Variants in DTX4 observed in about 807,000 individuals in gnomAD.
DTX4 encodes E3 ubiquitin-protein ligase DTX4.
In DTX4, 28 loss-of-function variants were observed where a neutral mutation model predicts 57.6. The ratio of observed to expected loss-of-function variants is 0.49; its 90% confidence interval spans 0.36 to 0.67. The LOEUF (loss-of-function observed/expected upper bound fraction) is 0.67, where lower values mean the gene tolerates loss of function less well. DTX4 is among the 30% of genes least tolerant of loss of function. The pLI is 0.00. For missense variants in DTX4, 715 were observed against 836.8 expected (o/e 0.85, Z 1.80); for synonymous variants, 316 against 331.0 (o/e 0.95, Z 0.49).
chr11:59,174,896 C>T (rs1299660890), intron 1 of DTX4, among the ~76,000 whole-genome samples: 5 of 152,160 alleles, frequency 3.3e-5, no homozygotes, highest in Admixed American at 6.6e-5. Flanking sequence ...TGGTTTCATC[C>T]GCTCATTGCT....
rs1565213978 is a variant in DTX4, at chr11:59,172,479, GCGCGGGGCA to G, written c.-116_-108del. ...AGCTGAGGCTGCCCGGGGCGGCGGG[GCGCGGGGCA>G]GGGGGCGCGGTCGAGGCCCGGAGGC... On this transcript the variant is annotated 5_prime_UTR_variant, in exon 1 of 9. Transcript: ENST00000227451. 2 of 448,844 alleles carry G rather than the reference GCGCGGGGCA, an allele frequency of 4.5e-6. No individual in the cohort carries two copies. Among genetic ancestry groups the G allele is most frequent in the Non-Finnish European group, 6.3e-6 (2 of 316,698 alleles). 27.8% of individuals were successfully genotyped at this position (448,844 alleles called of 1,614,324 possible).
At chr11:59,175,787 G>A (rs1466176404) in intron 1 of DTX4, among the ~76,000 whole-genome samples, 7 of 152,242 alleles carry the variant, frequency 4.6e-5, no homozygotes, top group Non-Finnish European at 4.4e-5. Flanking sequence ...TTCAGTAGCA[G>A]GATGCGGAAG....
chr11:59,174,501 G>GGAAAAAAAAAAA (rs1862371263), intron 1 of DTX4, among the ~76,000 whole-genome samples: 1 of 118,056 alleles, frequency 8.5e-6, no homozygotes, highest in East Asian at 2.5e-4. Context: ...TCCAGTCCTG[G>GGAAAAAAAAAAA]AAAAAAAAAA....
chr11:59,189,672 C>G (rs1409795558), intron 4 of DTX4, among the ~76,000 whole-genome samples: 1 of 152,152 alleles, frequency 6.6e-6, no homozygotes, highest in African/African-American at 2.4e-5. Context: ...GTTGTGTGAC[C>G]ACATGGAGCC....
chr11:59,192,114 T>G lies in DTX4; in HGVS notation c.1238T>G (p.Met413Arg). Residue 413 changes from methionine to arginine, a missense_variant, in exon 6 of 9, where the codon ATG becomes AGG. Coordinates refer to ENST00000227451, the MANE Select transcript of DTX4 (RefSeq NM_015177.2). ...HPPDEDCTIC[M>R]ERLTAPSGYK... is the part of the protein sequence containing the mutation. ...CCTCCCCAGGACTGCACCATCTGTA[T>G]GGAACGCCTCACGGCCCCCTCAGGC... The G allele has an allele frequency of 6.2e-7, 1 of 1,613,552 alleles. No homozygotes were observed. The highest frequency in any genetic ancestry group is 8.5e-7 in the Non-Finnish European group (1 of 1,179,882).
intron 2 of DTX4, among the ~76,000 whole-genome samples, chr11:59,182,958 T>C (rs1449827062): frequency 6.6e-6 from 1 of 152,162 alleles, no homozygotes; most frequent in Non-Finnish European, 1.5e-5. Context: ...TAAGCAATAA[T>C]AGGCAACATT....
At chr11:59,187,514 C>T (rs1214875941) in intron 2 of DTX4, among the ~76,000 whole-genome samples, 1 of 152,234 alleles carries the variant, frequency 6.6e-6, no homozygotes. Flanking sequence ...GCAAACAACA[C>T]AAAGTAGGGC....
chr11:59,180,134 C>T (rs1460370545), intron 1 of DTX4, among the ~76,000 whole-genome samples: 2 of 152,034 alleles, frequency 1.3e-5, no homozygotes, highest in Non-Finnish European at 2.9e-5. Flanking sequence ...TACCCAGGAC[C>T]CAAACAGATG....
intron 6 of DTX4, 97 bp downstream of exon 6, chr11:59,192,347 G>A: frequency 1.4e-6 from 2 of 1,461,042 alleles, no homozygotes; most frequent in Admixed American, 1.7e-5. Context: ...CAAGTGATCT[G>A]GGAAGTCTTA....
chr11:59,171,971 G>T (rs937284693), upstream of DTX4, among the ~76,000 whole-genome samples: 1 of 152,190 alleles, frequency 6.6e-6, no homozygotes, highest in African/African-American at 2.4e-5. Context: ...ACACACGCGG[G>T]CGCGGGTTTG....
intron 1 of DTX4, among the ~76,000 whole-genome samples, chr11:59,179,917 C>T (rs1405605647): frequency 1.3e-5 from 2 of 151,264 alleles, no homozygotes; most frequent in Non-Finnish European, 2.9e-5. Flanking sequence ...CACATACACA[C>T]ACAGACACAC....
rs370532027 is a variant in DTX4, at chr11:59,204,815, A to G, written c.1766A>G (p.His589Arg). Residue 589 changes from histidine to arginine, a missense_variant, in exon 9 of 9, where the codon CAT becomes CGT. By Grantham distance (29) the His-to-Arg change is conservative. Transcript: ENST00000227451. ...GAGTTTGGCTCTAATCTCACTGGCC[A>G]TGGCTACCCAGATGCCAATTACCTG... ...KTEFGSNLTG[H>R]GYPDANYLDN... 6.8e-6 allele frequency: 11 copies of G among 1,612,204 alleles called. No homozygotes were observed. The highest frequency in any genetic ancestry group is 1.7e-5 in the Admixed American group (1 of 59,780).
At position 59,172,573 on chromosome 11, in the gene DTX4, A is replaced by C; in HGVS notation, c.-23A>C. The C allele has an allele frequency of 7.4e-7, 1 of 1,357,692 alleles. No homozygotes were observed. Among genetic ancestry groups the C allele is most frequent in the South Asian group, 1.7e-5 (1 of 57,718 alleles). The allele number at this position is 1,357,692 out of a possible 1,614,324, so 84.1% of individuals were successfully genotyped here. On this transcript the variant is annotated 5_prime_UTR_variant, in exon 1 of 9. Coordinates refer to ENST00000227451, the MANE Select transcript of DTX4 (RefSeq NM_015177.2). ...TCGGGGCCCGGGAGGCGGGCCGCGC[A>C]GCGCCGCAGCCCCGGGCTCGCCATG...
intron 4 of DTX4, 101 bp downstream of exon 4, chr11:59,189,424 C>A: frequency 8.3e-7 from 1 of 1,205,768 alleles, no homozygotes; most frequent in Non-Finnish European, 1.1e-6. Context: ...GCTTCACCCT[C>A]TGTGCCTCAA....
intron 6 of DTX4, among the ~76,000 whole-genome samples, chr11:59,194,104 T>C (rs1862633220): frequency 6.6e-6 from 1 of 152,128 alleles, no homozygotes; most frequent in African/African-American, 2.4e-5. Flanking sequence ...GAACTGCCTC[T>C]TCCCACTAAT....
At chr11:59,196,337 C>T (rs754752791) in intron 7 of DTX4, among the ~76,000 whole-genome samples, 1 of 152,134 alleles carries the variant, frequency 6.6e-6, no homozygotes, top group South Asian at 2.1e-4. Flanking sequence ...TAGTGATCAT[C>T]GATGTGGAGG....
In DTX4 at chr11:59,177,146, T is replaced by G. The variant is rs549925292; in HGVS notation, c.211+4340T>G. On this transcript the variant is annotated intron_variant, in intron 1 of 8. Transcript: ENST00000227451. ...TCATTCTGTCATTTAGAATCTTATT[T>G]GGGCACCTAATAGGTACAGGCACAT... 2.6e-5 allele frequency among the ~76,000 whole-genome samples: 4 copies of G among 152,306 alleles called. No individual in the cohort carries two copies. In the South Asian group the frequency reaches 8.3e-4, roughly 32 times the overall value.
rs775618912 is a variant in DTX4, at chr11:59,204,920, G to C, written c.*11G>C. The C allele has an allele frequency of 5.1e-6, 8 of 1,563,420 alleles. No individual in the cohort carries two copies. In the South Asian group the frequency reaches 9.4e-5, roughly 18 times the overall value. On this transcript the variant is annotated 3_prime_UTR_variant, in exon 9 of 9. Transcript: ENST00000227451. Reference sequence around the variant, plus strand: ...CAGGAGAAGGACTGAGGCCAGAAAAGCTTTGAGGTGGGAGGGGCCATGGAG... The same window carrying C: ...CAGGAGAAGGACTGAGGCCAGAAAACCTTTGAGGTGGGAGGGGCCATGGAG...
At chr11:59,191,221 C>T in intron 5 of DTX4, 46 bp downstream of exon 5, 7 of 1,528,000 alleles carry the variant, frequency 4.6e-6, no homozygotes, top group Non-Finnish European at 5.3e-6. Context: ...CCATCACCCA[C>T]AAGCATTTCC....
Sources: allele counts gnomAD v4.1 joint callset (sites outside exome capture counted in the v4.1 genomes callset), GRCh38; gene constraint gnomAD v4.1.1; transcripts MANE v1.5; gene names NCBI Gene and HGNC (gene_info 2026-07-23, HGNC 2026-07-21).